CHD1L: variants seen among roughly 807,000 people sequenced by gnomAD.
The protein encoded by CHD1L is ATP-dependent chromatin remodeler CHD1L.
A neutral mutation model predicts 115.9 loss-of-function variants in CHD1L; 118 were observed. The observed-to-expected ratio is 1.02, with a 90% CI of 0.88 to 1.19. CHD1L has a LOEUF of 1.19. Among genes scored for constraint, CHD1L ranks in the 50% most tolerant of loss-of-function variants. The pLI, the probability that CHD1L is intolerant of heterozygous loss-of-function variation, is 0.00. For missense variants in CHD1L, 1,179 were observed against 1,065.3 expected (o/e 1.11, Z -1.49); for synonymous variants, 411 against 387.1 (o/e 1.06, Z -0.72).
rs1553947839 is a variant in CHD1L, at chr1:147,265,931, G to T, written c.740-1G>T. ...TTCTTGTATTTTTTTTTCTTATGTA[G>T]CAAGTGAACTGCACAAACTCTTGCA... is the stretch of plus-strand genomic sequence containing the variant. On this transcript the variant is annotated splice_acceptor_variant, in intron 7 of 22. Coordinates refer to ENST00000369258, the MANE Select transcript of CHD1L (RefSeq NM_004284.6). LOFTEE classifies it high-confidence loss of function. 6.2e-7 allele frequency: 1 copy of T among 1,602,306 alleles called. No individual in the cohort carries two copies. The highest frequency in any genetic ancestry group is 1.7e-5 in the Admixed American group (1 of 57,438).
rs782770115 is a variant in CHD1L at position 147,266,011 on chromosome 1, G to C, written c.819G>C (p.Lys273Asn). The change falls in exon 8 of 23, where the codon AAG becomes AAC. Residue 273 changes from lysine (K) to asparagine (N), a missense_variant. Transcript: ENST00000369258. ...KAEVATELPK[K>N]TEVVIYHGMS... ...AGGTAGCTACAGAGCTTCCCAAGAA[G>C]ACAGAAGTAGTGATATACCATGGCA... The C allele has an allele frequency of 2.5e-6, 4 of 1,613,856 alleles. No homozygotes were observed. The highest frequency in any genetic ancestry group is 3.4e-6 in the Non-Finnish European group (4 of 1,179,860).
the CHD1L span, chr1:147,225,194 C>T: frequency 6.9e-7 from 1 of 1,450,654 alleles, no homozygotes. Context: ...CGACGGTCCT[C>T]TTCACCAGAG....
At chr1:147,260,262 TATC>T (rs1434967571) in intron 6 of CHD1L, 1 of 175,508 alleles carries the variant, frequency 5.7e-6, no homozygotes, top group African/African-American at 2.4e-5. Flanking sequence ...ACTGTTATAG[TATC>T]ATACAGAGTA....
chr1:147,285,216 G>C (rs1266730952), intron 16 of CHD1L, 108 bp from the exon 17 acceptor site: 3 of 1,267,956 alleles, frequency 2.4e-6, no homozygotes, highest in Admixed American at 2.2e-5. Flanking sequence ...GAGATGCAGT[G>C]TTCTGTGGAA....
chr1:147,293,487 C>A, intron 20 of CHD1L, 121 bp from the exon 21 acceptor site: 1 of 728,728 alleles, frequency 1.4e-6, no homozygotes, highest in Non-Finnish European at 2.4e-6. Context: ...GCATAGCATC[C>A]GAAAGAGACA....
intron 14 of CHD1L, 152 bp from the exon 15 acceptor site, chr1:147,279,874 C>T: frequency 1.5e-6 from 1 of 684,760 alleles, no homozygotes; most frequent in Admixed American, 2.4e-5. Flanking sequence ...ATGGCCCTGG[C>T]TGTTACTATC....
intron 14 of CHD1L, 69 bp from the exon 15 acceptor site, chr1:147,279,957 C>A: frequency 6.5e-7 from 1 of 1,534,932 alleles, no homozygotes; most frequent in Non-Finnish European, 9.0e-7. Flanking sequence ...ATCCACTTAG[C>A]CAATCACTGA....
the CHD1L span, among the ~76,000 whole-genome samples, chr1:147,184,827 G>A: frequency 1.3e-5 from 2 of 152,064 alleles, no homozygotes; most frequent in African/African-American, 4.8e-5. This position sits in a 1 kb window ranked among gnomAD's most constrained non-coding sequence, Gnocchi z 4.4. Context: ...TTGGAAGGAA[G>A]TCACTATTCA....
At chr1:147,185,536 G>A in the CHD1L span, among the ~76,000 whole-genome samples, 5 of 152,086 alleles carry the variant, frequency 3.3e-5, no homozygotes, top group Admixed American at 1.3e-4. Flanking sequence ...AGGTAAATTC[G>A]GTGAAAGGGC....
At chr1:147,288,395 A>G (rs1181182255) in intron 19 of CHD1L, among the ~76,000 whole-genome samples, 1 of 151,628 alleles carries the variant, frequency 6.6e-6, no homozygotes, top group East Asian at 1.9e-4. Flanking sequence ...TCATGAAAAT[A>G]TCAAAGATCT....
chr1:147,291,449 T>G, intron 19 of CHD1L, 33 bp from the exon 20 acceptor site: 2 of 1,558,300 alleles, frequency 1.3e-6, no homozygotes, highest in South Asian at 2.2e-5. Context: ...GAACTTGGTG[T>G]TCTTTATGTT....
chr1:147,223,951 A>G, the CHD1L span: 1 of 381,968 alleles, frequency 2.6e-6, no homozygotes, highest in East Asian at 8.2e-5. Context: ...TCGAGACACC[A>G]CCCGTCTTTC....
chr1:147,179,030 C>G, the CHD1L span: 1 of 1,613,708 alleles, frequency 6.2e-7, no homozygotes, highest in Non-Finnish European at 8.5e-7. Context: ...AGCCGCAAAA[C>G]CTTTAGCCAT....
chr1:147,284,464 A>G lies in CHD1L; in HGVS notation c.1819A>G (p.Ser607Gly), dbSNP rs782055060. ...TCAGAAAACCCTTTTGGAGAAAGCT[A>G]GTCAAGAGGGCCGATCACTCCGAAA... ...NLQKTLLEKA[S>G]QEGRSLRNKG... Residue 607 changes from serine to glycine, a missense_variant, in exon 16 of 23, where the codon AGT becomes GGT. Physicochemically the swap from Ser to Gly is moderately conservative, Grantham distance 56. Coordinates refer to ENST00000369258, the MANE Select transcript of CHD1L (RefSeq NM_004284.6). 3 of 1,611,024 alleles carry G rather than the reference A, an allele frequency of 1.9e-6. No individual in the cohort carries two copies. The highest frequency in any genetic ancestry group is 2.2e-5 in the South Asian group (2 of 90,316).
chr1:147,257,412 T>C (rs1351049775), intron 5 of CHD1L, among the ~76,000 whole-genome samples: 1 of 152,192 alleles, frequency 6.6e-6, no homozygotes, highest in Non-Finnish European at 1.5e-5. Context: ...TAAGTGAGCA[T>C]ATTATCTTAT....
At chr1:147,204,259 T>C in the CHD1L span, 1 of 1,117,498 alleles carries the variant, frequency 8.9e-7, no homozygotes, top group Non-Finnish European at 1.4e-6. Context: ...TTCTGTTTCC[T>C]TCTTAAAAAC....
chr1:147,195,204 T>C, the CHD1L span, among the ~76,000 whole-genome samples: 1 of 152,162 alleles, frequency 6.6e-6, no homozygotes, highest in Non-Finnish European at 1.5e-5. Flanking sequence ...GCTTTGTTCG[T>C]TTCTTTTTAT....
the CHD1L span, among the ~76,000 whole-genome samples, chr1:147,234,669 A>C: frequency 2.6e-5 from 4 of 152,252 alleles, no homozygotes; most frequent in African/African-American, 7.2e-5. Context: ...ACAATTGTCT[A>C]TATTTATGGA....
At chr1:147,252,537 G>T in intron 1 of CHD1L, 86 bp from the exon 2 acceptor site, 1 of 994,770 alleles carries the variant, frequency 1.0e-6, no homozygotes. Context: ...AATTTAGGCT[G>T]TGTTCCTCAT....
Sources: allele counts gnomAD v4.1 joint callset (sites outside exome capture counted in the v4.1 genomes callset), GRCh38; gene constraint gnomAD v4.1.1; non-coding constraint Gnocchi (gnomAD v3.1); transcripts MANE v1.5; gene names NCBI Gene and HGNC (gene_info 2026-07-23, HGNC 2026-07-21).